Variants in ANKRD30A observed in about 807,000 individuals in gnomAD.
ANKRD30A encodes ankyrin repeat domain-containing protein 30A.
A neutral mutation model predicts 166.3 loss-of-function variants in ANKRD30A; 170 were observed. The ratio of observed to expected loss-of-function variants is 1.02; its 90% CI spans 0.90 to 1.16. ANKRD30A has a LOEUF of 1.16. Ranked by LOEUF, ANKRD30A falls within the 50% of genes most tolerant of loss-of-function variation. The pLI is 0.00. For synonymous variants in ANKRD30A, 564 were observed against 508.9 expected (o/e 1.11, Z -1.46); for missense variants, 1,630 against 1,518.0 (o/e 1.07, Z -1.23).
intron 6 of ANKRD30A, among the ~76,000 whole-genome samples, chr10:37,138,561 C>T (rs572490480): frequency 5.0e-4 from 76 of 152,206 alleles, no homozygotes; most frequent in Middle Eastern, 6.8e-3. Flanking sequence ...AACCAAGGCA[C>T]GAGAACTATG....
rs1245920742 is a variant in ANKRD30A, at chr10:37,142,138, C to A, written c.1241C>A (p.Pro414His). The change falls in exon 7 of 36, where the codon CCT becomes CAT. Residue 414 changes from proline (P) to histidine (H), a missense_variant. Pro to His is a moderately conservative substitution (Grantham distance 77). Coordinates refer to ENST00000361713, the MANE Select transcript of ANKRD30A (RefSeq NM_052997.3). ...EKFTWAAKGR[P>H]RKIAWEKKET... Reference sequence around the variant, plus strand: ...TTTACGTGGGCAGCAAAAGGAAGACCTAGGAAGATCGCATGGGAGAAAAAA... The same window carrying A: ...TTTACGTGGGCAGCAAAAGGAAGACATAGGAAGATCGCATGGGAGAAAAAA... 6.2e-7 allele frequency: 1 copy of A among 1,613,714 alleles called. No homozygotes were observed. Among genetic ancestry groups the A allele is most frequent in the African/African-American group, 1.3e-5 (1 of 74,896 alleles).
Position 37,147,448 on chromosome 10 carries a change from G to A in ANKRD30A, c.1534G>A (p.Glu512Lys), listed in dbSNP as rs747539755. 1.3e-6 allele frequency: 2 copies of A among 1,571,658 alleles called. No homozygotes were observed. Among genetic ancestry groups the A allele is most frequent in the East Asian group, 2.2e-5 (1 of 44,448 alleles). The change falls in exon 9 of 36, where the codon GAA becomes AAA. Residue 512 changes from glutamate (E) to lysine (K), a missense_variant. Coordinates refer to ENST00000361713, the MANE Select transcript of ANKRD30A (RefSeq NM_052997.3). ...IYQKVMEINR[E>K]VEEPPKKPSA... The stretch of plus-strand genomic sequence containing the variant: ...TCAAAAAGTAATGGAGATAAATAGA[G>A]AAGTAGAAGGTAAGAACGATTTTTT...
chr10:37,264,577 CT>C, the ANKRD30A span: 1 of 457,970 alleles, frequency 2.2e-6, no homozygotes, highest in Non-Finnish European at 3.6e-6. Context: ...GTCTGGTGTT[CT>C]TTGGCATCTA....
intron 21 of ANKRD30A, among the ~76,000 whole-genome samples, chr10:37,172,189 C>G (rs542954863): frequency 1.0e-5 from 1 of 99,266 alleles, no homozygotes; most frequent in Non-Finnish European, 2.2e-5. Flanking sequence ...ACTAAAAATA[C>G]AAAAAATTAG....
the ANKRD30A span, among the ~76,000 whole-genome samples, chr10:37,243,280 G>T: frequency 1.0e-4 from 15 of 149,202 alleles, no homozygotes; most frequent in African/African-American, 3.7e-4. Flanking sequence ...GACTACAGGC[G>T]CCTGCCACCA....
intron 17 of ANKRD30A, 104 bp downstream of exon 17, chr10:37,162,952 G>T (rs1301667037): frequency 1.4e-6 from 2 of 1,407,130 alleles, no homozygotes; most frequent in Non-Finnish European, 9.7e-7. Flanking sequence ...TTGATGAAAA[G>T]ATTTGATCTA....
chr10:37,224,030 ATAAT>A (rs1207283781), intron 34 of ANKRD30A, among the ~76,000 whole-genome samples: 1 of 151,336 alleles, frequency 6.6e-6, no homozygotes, highest in Non-Finnish European at 1.5e-5. Flanking sequence ...CTGCATTTTG[ATAAT>A]TAAACAAATT....
chr10:37,131,352 G>C (rs758055044), intron 3 of ANKRD30A, among the ~76,000 whole-genome samples: 1 of 152,174 alleles, frequency 6.6e-6, no homozygotes, highest in Non-Finnish European at 1.5e-5. Flanking sequence ...ATTTTAAGAA[G>C]TAGATATGCA....
intron 31 of ANKRD30A, among the ~76,000 whole-genome samples, chr10:37,207,138 A>G (rs1842040934): frequency 6.6e-6 from 1 of 152,186 alleles, no homozygotes; most frequent in Admixed American, 6.5e-5. Context: ...ATGGAAAACA[A>G]TGAATATTTT....
Position 37,219,611 on chromosome 10 carries a change from A to G in ANKRD30A, c.3899A>G (p.His1300Arg), listed in dbSNP as rs201858051. The change falls in exon 34 of 36, where the codon CAC (histidine) becomes CGC (arginine). Residue 1300 changes from histidine to arginine, a missense_variant. Physicochemically the swap from His to Arg is conservative, Grantham distance 29. Coordinates refer to ENST00000361713, the MANE Select transcript of ANKRD30A (RefSeq NM_052997.3). ...CAGTGTCAAATGAAGGAAGCTGAAC[A>G]CATGTATCAAAACGAACAAGATAAT... ...ETQCQMKEAE[H>R]MYQNEQDNVN... 9.4e-5 allele frequency: 151 copies of G among 1,610,244 alleles called. No individual in the cohort carries two copies. The highest frequency in any genetic ancestry group is 1.2e-4 in the Non-Finnish European group (140 of 1,177,676).
chr10:37,216,178 C>G lies in ANKRD30A; in HGVS notation c.2870-3C>G. 6.3e-7 allele frequency: 1 copy of G among 1,578,594 alleles called. No individual in the cohort carries two copies. Among genetic ancestry groups the G allele is most frequent in the Non-Finnish European group, 8.6e-7 (1 of 1,157,878 alleles). On this transcript the variant is annotated splice_polypyrimidine_tract_variant and splice_region_variant and intron_variant, in intron 31 of 35. Transcript: ENST00000361713. ...TTTTATTTGTATCTCCTCCTTGAGA[C>G]AGATTCAACTAGCCTATCAAAAATC... is the stretch of plus-strand genomic sequence containing the variant.
intron 27 of ANKRD30A, among the ~76,000 whole-genome samples, chr10:37,194,622 G>A (rs2132669268): frequency 6.6e-6 from 1 of 152,248 alleles, no homozygotes; most frequent in South Asian, 2.1e-4. Context: ...TGGAATTACA[G>A]GCGTGAGGCA....
chr10:37,137,485 G>T (rs1836789242), intron 6 of ANKRD30A, among the ~76,000 whole-genome samples: 2 of 152,190 alleles, frequency 1.3e-5, no homozygotes, highest in African/African-American at 4.8e-5. Context: ...TCAAAGAAAG[G>T]GGTGACAGAC....
intron 11 of ANKRD30A, among the ~76,000 whole-genome samples, chr10:37,150,777 T>C (rs1437401235): frequency 1.3e-5 from 2 of 152,122 alleles, no homozygotes; most frequent in African/African-American, 4.8e-5. Flanking sequence ...TAAATAAAAA[T>C]GAAAACATTC....
At chr10:37,265,640 G>A in the ANKRD30A span, among the ~76,000 whole-genome samples, 1 of 152,172 alleles carries the variant, frequency 6.6e-6, no homozygotes, top group African/African-American at 2.4e-5. Context: ...TAGGCCCAAG[G>A]GACAGTTGTT....
At chr10:37,261,774 G>A in the ANKRD30A span, 1 of 152,186 alleles carries the variant, frequency 6.6e-6, no homozygotes, top group Non-Finnish European at 1.5e-5. Flanking sequence ...GTTTACAGAT[G>A]TTTCTAAAGT....
intron 27 of ANKRD30A, among the ~76,000 whole-genome samples, chr10:37,196,523 A>T (rs1334300442): frequency 6.6e-6 from 1 of 152,182 alleles, no homozygotes; most frequent in African/African-American, 2.4e-5. Flanking sequence ...AAAATACTGA[A>T]TTTATACTTC....
rs756091623 is a variant in ANKRD30A at position 37,126,006 on chromosome 10, G to A, written c.219G>A (p.Lys73=). The A allele has an allele frequency of 1.8e-5, 29 of 1,611,662 alleles. No homozygotes were observed. In the South Asian group the frequency reaches 2.5e-4, roughly 14 times the overall value. ...TINLNIQDAQ[K]RTALHWACVN... is the part of the protein sequence containing the mutation. ...ACCTTAATATACAAGACGCCCAGAA[G>A]AGGTACCAGGCCCTGCCTGAGCCGG... The change falls in exon 1 of 36, where the codon AAG becomes AAA. Residue 73 remains lysine (K), a splice_region_variant and synonymous_variant. Coordinates refer to ENST00000361713, the MANE Select transcript of ANKRD30A (RefSeq NM_052997.3).
chr10:37,201,304 A>G lies in ANKRD30A; in HGVS notation c.2848A>G (p.Lys950Glu). 6.3e-7 allele frequency: 1 copy of G among 1,590,298 alleles called. No homozygotes were observed. Among genetic ancestry groups the G allele is most frequent in the Non-Finnish European group, 8.5e-7 (1 of 1,170,064 alleles). Residue 950 changes from lysine (K) to glutamate (E), a missense_variant, in exon 31 of 36, where the codon AAA becomes GAA. Transcript: ENST00000361713. ...PKATHQKEMD[K>E]ISGKLEDSTS... ...GGCTACACATCAAAAAGAAATGGAT[A>G]AAATAAGTGGAAAATTAGAAGGTAA...
Sources: gnomAD v4.1 joint callset for allele counts (sites outside exome capture counted in the v4.1 genomes callset) on GRCh38, gnomAD v4.1.1 for gene constraint, MANE v1.5 for transcripts, NCBI Gene and HGNC (gene_info 2026-07-23, HGNC 2026-07-21) for gene names.